LRRC59: variants seen among roughly 807,000 people sequenced by gnomAD.
LRRC59 encodes leucine rich repeat containing 59, also known as leucine-rich repeat-containing protein 59.
Under a neutral mutation model 33.5 loss-of-function variants are expected in LRRC59, and 18 were observed. The observed-to-expected ratio is 0.54, with a 90% CI of 0.37 to 0.80. LRRC59 has a LOEUF of 0.80. Among genes scored for constraint, LRRC59 ranks in the 30% least tolerant of loss-of-function variants. LRRC59 has a pLI of 0.00. For missense variants in LRRC59, 330 were observed against 391.9 expected (o/e 0.84, Z 1.33); for synonymous variants, 138 against 160.0 (o/e 0.86, Z 1.04).
In LRRC59 at chr17:50,382,878, T is replaced by TTGATGATGGCAGGTAGGTC; in HGVS notation, c.*91_*109dup. On this transcript the variant is annotated 3_prime_UTR_variant, in exon 7 of 7. Transcript: ENST00000225972. ...GTCTCATGTACCAATCTGCAGCCAT[T>TTGATGATGGCAGGTAGGTC]TGATGATGGCAGGTAGGTCTGATGC... 7.4e-7 allele frequency: 1 copy of TTGATGATGGCAGGTAGGTC among 1,358,866 alleles called. No homozygotes were observed. Among genetic ancestry groups the TTGATGATGGCAGGTAGGTC allele is most frequent in the Non-Finnish European group, 1.0e-6 (1 of 997,170 alleles). The allele number at this position is 1,358,866 out of a possible 1,614,324, so 84.2% of individuals were successfully genotyped here.
Position 50,397,254 on chromosome 17 carries a change from G to A in LRRC59, c.64C>T (p.Leu22=), listed in dbSNP as rs1914299030. Residue 22 remains leucine, a synonymous_variant, in exon 1 of 7, where the codon CTG becomes TTG. Coordinates refer to ENST00000225972, the MANE Select transcript of LRRC59 (RefSeq NM_018509.4). ...ACCTCATTCAGGTCGCTGAGGCTCA[G>A]GTCCAGTTCGTTGCCGTCCAGCTTG... The part of the protein sequence containing the change: ...RDKLDGNELD[L]SLSDLNEVPV... 1.2e-6 allele frequency: 2 copies of A among 1,609,406 alleles called. No homozygotes were observed. Among genetic ancestry groups the A allele is most frequent in the African/African-American group, 1.3e-5 (1 of 74,356 alleles).
intron 4 of LRRC59, among the ~76,000 whole-genome samples, chr17:50,390,483 C>A (rs1269263215): frequency 1.3e-5 from 2 of 150,092 alleles, no homozygotes; most frequent in Non-Finnish European, 2.9e-5. Context: ...CAGAGCAAGA[C>A]CCCATGTCAA....
chr17:50,387,846 T>G (rs1339656194), intron 5 of LRRC59, among the ~76,000 whole-genome samples: 1 of 152,162 alleles, frequency 6.6e-6, no homozygotes, highest in African/African-American at 2.4e-5. Flanking sequence ...AGATGAAATA[T>G]AAGCAGTTGA....
intron 4 of LRRC59, among the ~76,000 whole-genome samples, chr17:50,391,000 C>CTGAA (rs374256328): frequency 6.6e-6 from 1 of 152,176 alleles, no homozygotes; most frequent in East Asian, 1.9e-4. Context: ...ATATTACCTA[C>CTGAA]TGAATGAATG....
At chr17:50,385,994 T>C (rs536671703) in intron 5 of LRRC59, among the ~76,000 whole-genome samples, 4 of 151,972 alleles carry the variant, frequency 2.6e-5, no homozygotes, top group South Asian at 2.1e-4. Flanking sequence ...GAAGTGGAGG[T>C]TGCAGTGAAC....
intron 1 of LRRC59, 71 bp downstream of exon 1, chr17:50,397,142 A>G (rs763814510): frequency 1.2e-5 from 14 of 1,142,074 alleles, no homozygotes; most frequent in South Asian, 4.6e-5. Context: ...GAGAAGAGGA[A>G]AGTAAGTGGC....
chr17:50,394,865 C>A, intron 2 of LRRC59, 64 bp downstream of exon 2: 1 of 1,234,512 alleles, frequency 8.1e-7, no homozygotes, highest in South Asian at 1.3e-5. Context: ...CCTCTCAACC[C>A]CCGAAACAGG....
At position 50,388,562 on chromosome 17, in the gene LRRC59, C is replaced by A. The variant is rs573174270; in HGVS notation, c.430-430G>T. 4.6e-4 allele frequency among the ~76,000 whole-genome samples: 68 copies of A among 149,214 alleles called. 2 individuals carry two copies. In the South Asian group the frequency reaches 0.014, roughly 31 times the overall value. Reference sequence around the variant, plus strand: ...CTCAAAACAACAACCACCACCACCACCACCACCAAACTAATAGAGTTAATT... The same window carrying A: ...CTCAAAACAACAACCACCACCACCAACACCACCAAACTAATAGAGTTAATT... On this transcript the variant is annotated intron_variant, in intron 4 of 6. Coordinates refer to ENST00000225972, the MANE Select transcript of LRRC59 (RefSeq NM_018509.4).
chr17:50,383,061 T>G lies in LRRC59; in HGVS notation c.851A>C (p.Tyr284Ser). 6.2e-7 allele frequency: 1 copy of G among 1,612,586 alleles called. No individual in the cohort carries two copies. The highest frequency in any genetic ancestry group is 8.5e-7 in the Non-Finnish European group (1 of 1,179,982). Residue 284 changes from tyrosine to serine, a missense_variant, in exon 7 of 7, where the codon TAT becomes TCT. Coordinates refer to ENST00000225972, the MANE Select transcript of LRRC59 (RefSeq NM_018509.4). ...GCGTAGACCCTGGACCGCATTGTCATAGATGGTGTTCACGCTGGTGCAGAG... is the reference window on the plus strand; with the variant it reads ...GCGTAGACCCTGGACCGCATTGTCAGAGATGGTGTTCACGCTGGTGCAGAG... The part of the protein sequence containing the change: ...QPLCTSVNTI[Y>S]DNAVQGLRRH...
chr17:50,388,003 A>G, intron 5 of LRRC59, 57 bp downstream of exon 5: 7 of 1,544,604 alleles, frequency 4.5e-6, no homozygotes, highest in Non-Finnish European at 6.3e-6. Flanking sequence ...GAAGCATGAG[A>G]ATCCACTGGC....
rs551908739 is a variant in LRRC59, at chr17:50,385,179, G to C, written c.615C>G (p.Ala205=). 6.2e-7 allele frequency: 1 copy of C among 1,614,100 alleles called. No homozygotes were observed. Among genetic ancestry groups the C allele is most frequent in the African/African-American group, 1.3e-5 (1 of 75,012 alleles). The change falls in exon 6 of 7, where the codon GCC becomes GCG. Residue 205 remains alanine (A), a synonymous_variant. Coordinates refer to ENST00000225972, the MANE Select transcript of LRRC59 (RefSeq NM_018509.4). The stretch of plus-strand genomic sequence containing the variant: ...CCTGCTCCCGCTTGGCTGCTTTGAG[G>C]GCATCATACTCCTTTCTCCGGCGCT... The part of the protein sequence containing the change: ...EKERRRKEYD[A]LKAAKREQEK...
chr17:50,397,381 G>T lies in LRRC59; in HGVS notation c.-64C>A. On this transcript the variant is annotated 5_prime_UTR_variant, in exon 1 of 7. Coordinates refer to ENST00000225972, the MANE Select transcript of LRRC59 (RefSeq NM_018509.4). ...GGCGGGTGAAAGGAGCTGAAATGTC[G>T]CTTGTCAGTTCAGCGGCCCCCCACC... 2.3e-6 allele frequency: 3 copies of T among 1,320,398 alleles called. No homozygotes were observed. The highest frequency in any genetic ancestry group is 3.2e-6 in the Non-Finnish European group (3 of 949,312). The allele number at this position is 1,320,398 out of a possible 1,614,324, so 81.8% of individuals were successfully genotyped here.
chr17:50,382,563 T>TC lies in LRRC59; in HGVS notation c.*424dup, dbSNP rs940095472. The TC allele has an allele frequency of 7.7e-5, 14 of 181,778 alleles. No homozygotes were observed. Among genetic ancestry groups the TC allele is most frequent in the Non-Finnish European group, 1.3e-4 (11 of 85,190 alleles). The allele number at this position is 181,778 out of a possible 1,614,324, so 11.3% of individuals were successfully genotyped here. A position where few individuals can be genotyped will look rare whatever the true frequency, so the allele number is the denominator to read the frequency against. On this transcript the variant is annotated 3_prime_UTR_variant, in exon 7 of 7. Coordinates refer to ENST00000225972, the MANE Select transcript of LRRC59 (RefSeq NM_018509.4). The stretch of plus-strand genomic sequence containing the variant: ...GGATTTACTGAGCGTGGTGTTCTAG[T>TC]CCCCCCCAGTTCCTCCTGATCTACC...
At chr17:50,393,560 G>A (rs1307331899) in intron 2 of LRRC59, among the ~76,000 whole-genome samples, 2 of 152,148 alleles carry the variant, frequency 1.3e-5, no homozygotes, top group African/African-American at 4.8e-5. Flanking sequence ...CTAACTGAAC[G>A]GGCTGGGGTC....
At chr17:50,389,163 G>A (rs1314267759) in intron 4 of LRRC59, among the ~76,000 whole-genome samples, 5 of 152,142 alleles carry the variant, frequency 3.3e-5, no homozygotes, top group Non-Finnish European at 5.9e-5. Flanking sequence ...CACATGCAGA[G>A]GAGAGCTCCG....
intron 4 of LRRC59, among the ~76,000 whole-genome samples, chr17:50,391,821 G>C (rs933226899): frequency 1.4e-4 from 22 of 152,234 alleles, no homozygotes; most frequent in African/African-American, 5.3e-4. Flanking sequence ...TGTCCACACA[G>C]TGTCATGTTG....
Position 50,382,734 on chromosome 17 carries a change from C to G in LRRC59, c.*254G>C. The G allele has an allele frequency of 1.9e-6, 1 of 531,010 alleles. No individual in the cohort carries two copies. The highest frequency in any genetic ancestry group is 3.3e-6 in the Non-Finnish European group (1 of 299,608). 32.9% of individuals were successfully genotyped at this position (531,010 alleles called of 1,614,324 possible). On this transcript the variant is annotated 3_prime_UTR_variant, in exon 7 of 7. Transcript: ENST00000225972. The stretch of plus-strand genomic sequence containing the variant: ...GCTATGTTTTCTCTCTCCCCACCCC[C>G]AAGCCTACTCCTTTAGGCATGCAGG...
At chr17:50,394,638 A>G (rs1230794523) in intron 2 of LRRC59, among the ~76,000 whole-genome samples, 1 of 152,216 alleles carries the variant, frequency 6.6e-6, no homozygotes, top group Non-Finnish European at 1.5e-5. Context: ...TAATGTAGAA[A>G]AAAGATGAGC....
chr17:50,393,765 G>A (rs1914205649), intron 2 of LRRC59, among the ~76,000 whole-genome samples: 1 of 152,246 alleles, frequency 6.6e-6, no homozygotes, highest in African/African-American at 2.4e-5. Flanking sequence ...ACAGACAACA[G>A]AACAAGCTCA....
Sources: allele counts gnomAD v4.1 joint callset (sites outside exome capture counted in the v4.1 genomes callset), GRCh38; gene constraint gnomAD v4.1.1; transcripts MANE v1.5; gene names NCBI Gene and HGNC (gene_info 2026-07-23, HGNC 2026-07-21).